SIN3A: variants seen among roughly 807,000 people sequenced by gnomAD.
SIN3A encodes the protein paired amphipathic helix protein Sin3a.
A neutral mutation model predicts 146.1 loss-of-function variants in SIN3A; 14 were observed. That is an observed-to-expected ratio of 0.10 (90% CI 0.06 to 0.15). The LOEUF (loss-of-function observed/expected upper bound fraction) is 0.15, where lower values mean the gene tolerates loss of function less well. Ranked by LOEUF, SIN3A falls within the 10% of genes least tolerant of loss-of-function variation. The probability of loss-of-function intolerance (pLI) is 1.00; values close to 1 mark genes in which losing one functional copy is unlikely to be tolerated. For synonymous variants in SIN3A, 572 were observed against 572.0 expected (o/e 1.00, Z 0.00); for missense variants, 1,028 against 1,576.0 (o/e 0.65, Z 5.89).
intron 3 of SIN3A, 23 bp downstream of exon 3, chr15:75,422,624 C>T: frequency 6.2e-7 from 1 of 1,614,058 alleles, no homozygotes; most frequent in South Asian, 1.1e-5. Context: ...TTTTTTGACC[C>T]AAGAAAAAGA....
chr15:75,450,871 T>C (rs1252915906), intron 1 of SIN3A, among the ~76,000 whole-genome samples: 1 of 151,936 alleles, frequency 6.6e-6, no homozygotes, highest in Non-Finnish European at 1.5e-5. Flanking sequence ...ACCCGGGGCC[T>C]GGGCGGGGTG....
chr15:75,385,148 G>A (rs1412879291), intron 16 of SIN3A, among the ~76,000 whole-genome samples: 1 of 152,200 alleles, frequency 6.6e-6, no homozygotes, highest in East Asian at 1.9e-4. Context: ...AAAGCTCACC[G>A]TGAGCTGGGG....
At chr15:75,416,293 C>T (rs1342587801) in intron 3 of SIN3A, among the ~76,000 whole-genome samples, 2 of 152,120 alleles carry the variant, frequency 1.3e-5, no homozygotes, top group Non-Finnish European at 2.9e-5. Flanking sequence ...TGAGAGACTT[C>T]CTCTTGGCTT....
rs1567402074 is a variant in SIN3A at position 75,430,312 on chromosome 15, C to T, written c.64G>A (p.Gly22Ser). 2 of 1,614,124 alleles carry T rather than the reference C, an allele frequency of 1.2e-6. No homozygotes were observed. The highest frequency in any genetic ancestry group is 1.7e-6 in the Non-Finnish European group (2 of 1,180,026). ...VYAAQQRRIP[G>S]STEAFPHQHR... ...TGGTGAGGAAAAGCCTCTGTGCTGC[C>T]AGGGATCCGACGCTGCTGGGCTGCA... The change falls in exon 2 of 21, where the codon GGC (glycine) becomes AGC (serine). Residue 22 changes from glycine (G) to serine (S), a missense_variant. Gly to Ser is a moderately conservative substitution (Grantham distance 56). This residue lies in a region of SIN3A where 152 missense variants were observed against 231.5 expected (regional missense o/e 0.66). Coordinates refer to ENST00000394947, the MANE Select transcript of SIN3A (RefSeq NM_001145358.2).
rs2072763773 is a variant in SIN3A, at chr15:75,372,181, T to C, written c.3620A>G (p.His1207Arg). The part of the protein sequence containing the change: ...QSHERVSKRL[H>R]QRFQAWVDKW... ...ATCTACCCAGGCCTGGAATCTCTGA[T>C]GTAGACGCTTGCTTACACGCTCATG... Residue 1207 changes from histidine (H) to arginine (R), a missense_variant, in exon 21 of 21, where the codon CAT becomes CGT. Physicochemically the swap from His to Arg is conservative, Grantham distance 29. Around this residue, in one of 9 missense-constraint regions of SIN3A, gnomAD observed 488 missense variants for 690.2 expected, o/e 0.71. Coordinates refer to ENST00000394947, the MANE Select transcript of SIN3A (RefSeq NM_001145358.2). 9 of 1,611,720 alleles carry C rather than the reference T, an allele frequency of 5.6e-6. No individual in the cohort carries two copies. The highest frequency in any genetic ancestry group is 7.6e-6 in the Non-Finnish European group (9 of 1,178,362).
At chr15:75,439,626 T>C (rs944148827) in intron 1 of SIN3A, among the ~76,000 whole-genome samples, 5 of 152,092 alleles carry the variant, frequency 3.3e-5, no homozygotes, top group Admixed American at 2.0e-4. Context: ...ATTACAGGCG[T>C]GAGCCACCGC....
chr15:75,406,023 A>G (rs1170154874), intron 9 of SIN3A, among the ~76,000 whole-genome samples: 1 of 152,162 alleles, frequency 6.6e-6, no homozygotes, highest in African/African-American at 2.4e-5. Flanking sequence ...GGCACAGCAG[A>G]CAGAAAGGGA....
chr15:75,409,681 C>T (rs554322881), intron 8 of SIN3A, among the ~76,000 whole-genome samples, 155 bp downstream of exon 8: 65 of 152,038 alleles, frequency 4.3e-4, no homozygotes, highest in African/African-American at 1.4e-3. Context: ...GAGCCGAGAT[C>T]GTGCCACTGC....
chr15:75,445,275 G>C (rs141632894), intron 1 of SIN3A, among the ~76,000 whole-genome samples: 8 of 151,642 alleles, frequency 5.3e-5, no homozygotes, highest in African/African-American at 1.9e-4. Flanking sequence ...CAGCTACTCA[G>C]GAGGCTGAGA....
chr15:75,402,217 T>C (rs1319157669), intron 9 of SIN3A, among the ~76,000 whole-genome samples: 2 of 152,004 alleles, frequency 1.3e-5, no homozygotes, highest in Non-Finnish European at 2.9e-5. Context: ...TTTTAAAAAC[T>C]GGGGAAATTT....
chr15:75,371,564 T>A lies in SIN3A; in HGVS notation c.*415A>T. 1 of 168,648 alleles carries A rather than the reference T, an allele frequency of 5.9e-6. No individual in the cohort carries two copies. The highest frequency in any genetic ancestry group is 1.3e-5 in the Non-Finnish European group (1 of 79,040). The allele number at this position is 168,648 out of a possible 1,614,324, so 10.4% of individuals were successfully genotyped here. On this transcript the variant is annotated 3_prime_UTR_variant, in exon 21 of 21. Transcript: ENST00000394947. ...CCATGATAGTTCCAATCCATCTGAGTATTAAGTCCTTCTCCAGTCTGTTTT... is the reference window on the plus strand; with the variant it reads ...CCATGATAGTTCCAATCCATCTGAGAATTAAGTCCTTCTCCAGTCTGTTTT...
chr15:75,393,783 C>G (rs2073252793), intron 14 of SIN3A, among the ~76,000 whole-genome samples: 1 of 151,740 alleles, frequency 6.6e-6, no homozygotes, highest in Non-Finnish European at 1.5e-5. Context: ...AAAGTAACAT[C>G]AGCAAAATAT....
chr15:75,391,319 T>C (rs948023232), intron 15 of SIN3A, among the ~76,000 whole-genome samples: 1 of 152,190 alleles, frequency 6.6e-6, no homozygotes, highest in African/African-American at 2.4e-5. Flanking sequence ...AAGCCAGGAA[T>C]AGGCCATTTA....
chr15:75,429,031 G>A (rs1270353064), intron 2 of SIN3A, among the ~76,000 whole-genome samples: 1 of 152,138 alleles, frequency 6.6e-6, no homozygotes. Flanking sequence ...TATAGTATAT[G>A]ACAAATATAC....
chr15:75,381,594 G>C lies in SIN3A; in HGVS notation c.3288+19C>G. The C allele has an allele frequency of 1.3e-6, 2 of 1,592,742 alleles. No individual in the cohort carries two copies. Among genetic ancestry groups the C allele is most frequent in the East Asian group, 2.2e-5 (1 of 44,744 alleles). On this transcript the variant is annotated intron_variant, in intron 18 of 20. Transcript: ENST00000394947. ...CAGCTCTGCTTGGCACCTGGGGTCT[G>C]TGATGTACTTGCTCATACCTCTGCT... is the stretch of plus-strand genomic sequence containing the variant.
At chr15:75,419,398 T>C (rs1313251079) in intron 3 of SIN3A, 3 of 152,128 alleles carry the variant, frequency 2.0e-5, no homozygotes, top group African/African-American at 7.2e-5. Flanking sequence ...CATGGTATGG[T>C]ATAAGGTAAC....
chr15:75,396,067 T>G (rs547114082), intron 13 of SIN3A, among the ~76,000 whole-genome samples, 191 bp downstream of exon 13: 11 of 152,242 alleles, frequency 7.2e-5, no homozygotes, highest in African/African-American at 2.4e-4. Flanking sequence ...CTTACAAGAT[T>G]TGTTCTCTAA....
intron 1 of SIN3A, among the ~76,000 whole-genome samples, chr15:75,444,732 A>G (rs1247929981): frequency 6.6e-6 from 1 of 152,190 alleles, no homozygotes; most frequent in Non-Finnish European, 1.5e-5. Context: ...TTACTACTGT[A>G]GGTAGAAAAT....
chr15:75,432,158 T>C (rs955141106), intron 1 of SIN3A, among the ~76,000 whole-genome samples: 7 of 152,210 alleles, frequency 4.6e-5, no homozygotes, highest in African/African-American at 1.2e-4. Flanking sequence ...TTTAGACATA[T>C]TAAGAGGTTG....
Sources: gnomAD v4.1 joint callset for allele counts (sites outside exome capture counted in the v4.1 genomes callset) on GRCh38, gnomAD v4.1.1 for gene constraint, gnomAD v4.1.1 regional missense constraint, MANE v1.5 for transcripts, NCBI Gene and HGNC (gene_info 2026-07-23, HGNC 2026-07-21) for gene names.